MTF2: variants seen among roughly 807,000 people sequenced by gnomAD.
MTF2 encodes metal response element binding transcription factor 2, also known as metal-response element-binding transcription factor 2.
In MTF2, 11 loss-of-function variants were observed where a neutral mutation model predicts 79.5. The observed-to-expected ratio is 0.14, with a 90% CI of 0.09 to 0.23. The LOEUF (loss-of-function observed/expected upper bound fraction) is 0.23. Ranked by LOEUF, MTF2 falls within the 10% of genes least tolerant of loss-of-function variation. The pLI is 1.00. For missense variants in MTF2, 486 were observed against 711.2 expected (o/e 0.68, Z 3.60); for synonymous variants, 208 against 232.8 (o/e 0.89, Z 0.97).
intron 9 of MTF2, among the ~76,000 whole-genome samples, chr1:93,124,542 G>A (rs1190361978): frequency 3.3e-5 from 5 of 151,944 alleles, no homozygotes; most frequent in Non-Finnish European, 5.9e-5. Context: ...GAGGTAGGGA[G>A]AAAAGCAAAG....
At chr1:93,132,962 A>G (rs1298855544) in intron 11 of MTF2, among the ~76,000 whole-genome samples, 1 of 152,052 alleles carries the variant, frequency 6.6e-6, no homozygotes, top group Non-Finnish European at 1.5e-5. Flanking sequence ...AGTAAATGAA[A>G]TAGATATTCT....
At chr1:93,132,925 A>T (rs1309623625) in intron 11 of MTF2, among the ~76,000 whole-genome samples, 3 of 152,126 alleles carry the variant, frequency 2.0e-5, no homozygotes, top group Non-Finnish European at 4.4e-5. Flanking sequence ...ATTATCTAAT[A>T]TCATCTTTAT....
intron 14 of MTF2, among the ~76,000 whole-genome samples, chr1:93,135,531 T>C (rs1356505025): frequency 6.6e-6 from 1 of 152,238 alleles, no homozygotes; most frequent in African/African-American, 2.4e-5. Flanking sequence ...TTGTCTTATT[T>C]AATTCTTAAA....
intron 1 of MTF2, among the ~76,000 whole-genome samples, chr1:93,091,803 G>T (rs1031712676): frequency 6.6e-6 from 1 of 152,096 alleles, no homozygotes; most frequent in Admixed American, 6.6e-5. Flanking sequence ...CTGGTTTATG[G>T]ACTTGAGTTG....
intron 1 of MTF2, among the ~76,000 whole-genome samples, chr1:93,081,533 T>A (rs927865562): frequency 9.8e-5 from 15 of 152,346 alleles, no homozygotes; most frequent in African/African-American, 3.4e-4. Context: ...CCATGAACGA[T>A]CTTTGATGGT....
intron 1 of MTF2, among the ~76,000 whole-genome samples, chr1:93,079,745 G>T (rs1272711689): frequency 6.6e-6 from 1 of 152,074 alleles, no homozygotes; most frequent in East Asian, 1.9e-4. Flanking sequence ...GGGACTAAAG[G>T]AGCGAGGAGG....
intron 1 of MTF2, among the ~76,000 whole-genome samples, chr1:93,098,320 A>G (rs959586596): frequency 1.3e-5 from 2 of 151,900 alleles, no homozygotes; most frequent in African/African-American, 4.8e-5. Flanking sequence ...CAGATTAGAT[A>G]TTTTTCTTCT....
At chr1:93,110,746 A>C in intron 3 of MTF2, 120 bp downstream of exon 3, 1 of 763,390 alleles carries the variant, frequency 1.3e-6, no homozygotes. Flanking sequence ...ATTACTTCCT[A>C]GGAGAGGTTA....
intron 1 of MTF2, among the ~76,000 whole-genome samples, chr1:93,081,303 C>T (rs1401355269): frequency 1.3e-5 from 2 of 152,180 alleles, no homozygotes; most frequent in Non-Finnish European, 2.9e-5. Context: ...TCTTTGATTT[C>T]ATGGATTATA....
At chr1:93,136,605 A>G (rs924986709) in intron 14 of MTF2, 65 bp from the exon 15 acceptor site, 4 of 1,289,874 alleles carry the variant, frequency 3.1e-6, no homozygotes, top group Non-Finnish European at 3.3e-6. Context: ...AAAAGAGAAC[A>G]TATTGTATGG....
At chr1:93,095,571 C>T (rs984965070) in intron 1 of MTF2, among the ~76,000 whole-genome samples, 6 of 151,950 alleles carry the variant, frequency 3.9e-5, no homozygotes, top group Admixed American at 1.3e-4. Flanking sequence ...GAACTCCTGA[C>T]CTCAGTGATC....
intron 11 of MTF2, among the ~76,000 whole-genome samples, chr1:93,132,176 G>T (rs909409946): frequency 6.6e-6 from 1 of 152,178 alleles, no homozygotes; most frequent in African/African-American, 2.4e-5. Context: ...TAGTCATCTT[G>T]GAGATAAGGA....
chr1:93,099,517 G>C (rs1356919998), intron 1 of MTF2, among the ~76,000 whole-genome samples: 1 of 152,140 alleles, frequency 6.6e-6, no homozygotes, highest in Non-Finnish European at 1.5e-5. Flanking sequence ...GTGTGGTAGA[G>C]GAATAGTATC....
intron 1 of MTF2, among the ~76,000 whole-genome samples, chr1:93,083,138 G>C (rs1571210400): frequency 1.3e-5 from 2 of 152,256 alleles, no homozygotes; most frequent in East Asian, 3.9e-4. Flanking sequence ...ACTTCCTGTT[G>C]AAGTGGCCCC....
intron 6 of MTF2, among the ~76,000 whole-genome samples, chr1:93,116,985 T>G (rs181348371): frequency 4.9e-4 from 74 of 152,178 alleles, no homozygotes; most frequent in Non-Finnish European, 9.7e-4. Flanking sequence ...GTTATAGTAG[T>G]AACATCAAAG....
At chr1:93,082,789 A>G (rs774083533) in intron 1 of MTF2, among the ~76,000 whole-genome samples, 4 of 152,286 alleles carry the variant, frequency 2.6e-5, no homozygotes, top group Admixed American at 6.5e-5. Context: ...TGCAGCCATC[A>G]CCATACCTAA....
intron 1 of MTF2, among the ~76,000 whole-genome samples, chr1:93,109,862 G>A (rs1240172286): frequency 2.6e-5 from 4 of 152,130 alleles, no homozygotes; most frequent in Non-Finnish European, 4.4e-5. Context: ...AGATTAAAAT[G>A]TAATTCACTT....
intron 14 of MTF2, among the ~76,000 whole-genome samples, chr1:93,135,893 GA>G (rs1326368760): frequency 2.0e-5 from 3 of 152,210 alleles, no homozygotes; most frequent in Admixed American, 6.5e-5. Context: ...AGACTTAGGG[GA>G]TTTTAAGTAA....
chr1:93,093,965 T>G (rs1655178485), intron 1 of MTF2, among the ~76,000 whole-genome samples: 1 of 152,240 alleles, frequency 6.6e-6, no homozygotes, highest in South Asian at 2.1e-4. Context: ...GATTTTTAAG[T>G]GAATAGTTCC....
Sources: gnomAD v4.1 joint callset for allele counts (sites outside exome capture counted in the v4.1 genomes callset) on GRCh38, gnomAD v4.1.1 for gene constraint, MANE v1.5 for transcripts, NCBI Gene and HGNC (gene_info 2026-07-23, HGNC 2026-07-21) for gene names.